PLA2G7: variants seen among roughly 807,000 people sequenced by gnomAD.
PLA2G7 encodes the protein platelet-activating factor acetylhydrolase.
PLA2G7 carries 63 observed loss-of-function variants against 49.6 expected under a neutral mutation model. That is an observed-to-expected ratio of 1.27 (90% CI 1.04 to 1.57). The LOEUF (loss-of-function observed/expected upper bound fraction) is 1.57. Ranked by LOEUF, PLA2G7 falls within the 40% of genes most tolerant of loss-of-function variation. PLA2G7 has a pLI of 0.00. For synonymous variants in PLA2G7, 193 were observed against 169.9 expected, an observed-to-expected ratio of 1.14 and a Z score of -1.06; for missense variants, 596 against 521.2, an observed-to-expected ratio of 1.14 and a Z score of -1.40.
intron 4 of PLA2G7, among the ~76,000 whole-genome samples, chr6:46,715,829 T>C (rs1236969071): frequency 1.3e-5 from 2 of 152,164 alleles, no homozygotes; most frequent in Non-Finnish European, 2.9e-5. Context: ...TAGTGTCTAG[T>C]CAAACAGATA....
At chr6:46,734,288 A>G (rs1479308362) in intron 1 of PLA2G7, among the ~76,000 whole-genome samples, 1 of 151,944 alleles carries the variant, frequency 6.6e-6, no homozygotes, top group African/African-American at 2.4e-5. Flanking sequence ...CTGGGCTCCA[A>G]AAACGCAATA....
Position 46,705,158 on chromosome 6 carries a change from T to C in PLA2G7, c.1184A>G (p.His395Arg), listed in dbSNP as rs781609335. The C allele has an allele frequency of 1.2e-6, 2 of 1,606,238 alleles. No homozygotes were observed. The highest frequency in any genetic ancestry group is 1.7e-5 in the Admixed American group (1 of 59,924). ...NKASLAFLQK[H>R]LGLHKDFDQW... ...TGAAAAAAATAGTTTCTTACCTAAATGCTTTTGTAAGAATGCTAATGAAGC... is the reference window on the plus strand; with the variant it reads ...TGAAAAAAATAGTTTCTTACCTAAACGCTTTTGTAAGAATGCTAATGAAGC... The change falls in exon 11 of 12, where the codon CAT becomes CGT. Residue 395 changes from histidine (H) to arginine (R), a missense_variant. Physicochemically the swap from His to Arg is conservative, Grantham distance 29 (BLOSUM62 0). Coordinates refer to ENST00000274793, the MANE Select transcript of PLA2G7 (RefSeq NM_005084.4).
At chr6:46,729,964 T>A (rs1373478175) in intron 1 of PLA2G7, among the ~76,000 whole-genome samples, 1 of 152,150 alleles carries the variant, frequency 6.6e-6, no homozygotes, top group Non-Finnish European at 1.5e-5. Flanking sequence ...AAAAACACAA[T>A]GGATAGGCCA....
chr6:46,717,725 T>C (rs1765265905), intron 2 of PLA2G7, among the ~76,000 whole-genome samples: 1 of 144,752 alleles, frequency 6.9e-6, no homozygotes. Flanking sequence ...CTTTTTTTTT[T>C]TTTTTGAGAC....
chr6:46,709,324 T>A lies in PLA2G7; in HGVS notation c.869+3A>T. ...CTCTTGCTTTACTATCTTATTTTCTTACCTGAATCTCTGATCTTCACTAAG... is the reference window on the plus strand; with the variant it reads ...CTCTTGCTTTACTATCTTATTTTCTAACCTGAATCTCTGATCTTCACTAAG... On this transcript the variant is annotated splice_donor_region_variant and intron_variant, in intron 9 of 11. Coordinates refer to ENST00000274793, the MANE Select transcript of PLA2G7 (RefSeq NM_005084.4). 6.6e-7 allele frequency: 1 copy of A among 1,507,398 alleles called. No homozygotes were observed. The highest frequency in any genetic ancestry group is 1.1e-5 in the South Asian group (1 of 88,898). The allele number at this position is 1,507,398 out of a possible 1,614,324, so 93.4% of individuals were successfully genotyped here.
intron 2 of PLA2G7, among the ~76,000 whole-genome samples, chr6:46,720,508 G>A (rs1200477585): frequency 6.6e-6 from 1 of 152,192 alleles, no homozygotes; most frequent in Non-Finnish European, 1.5e-5. Context: ...GGGGTCCTAT[G>A]CACCAGTGCC....
Position 46,705,245 on chromosome 6 carries a change from C to T in PLA2G7, c.1097G>A (p.Gly366Glu). ...DFTFATGKII[G>E]HMLKLKGDID... The stretch of plus-strand genomic sequence containing the variant: ...GTCTCCCTTTAATTTGAGCATGTGT[C>T]CAATTATTTTGCCAGTTGCAAAAGT... The change falls in exon 11 of 12, where the codon GGA becomes GAA. Residue 366 changes from glycine (G) to glutamate (E), a missense_variant. Transcript: ENST00000274793. 1 of 1,610,868 alleles carries T rather than the reference C, an allele frequency of 6.2e-7. No individual in the cohort carries two copies. Among genetic ancestry groups the T allele is most frequent in the Non-Finnish European group, 8.5e-7 (1 of 1,177,260 alleles).
At chr6:46,723,402 T>C (rs1468755633) in intron 1 of PLA2G7, among the ~76,000 whole-genome samples, 1 of 152,204 alleles carries the variant, frequency 6.6e-6, no homozygotes, top group Non-Finnish European at 1.5e-5. Context: ...GATGTTATAT[T>C]CTTGCTAATT....
chr6:46,717,089 G>T lies in PLA2G7; in HGVS notation c.117C>A (p.Val39=). ...PVAHMKSSAW[V]NKIQVLMAAA... ...CAGCCATCAGTACTTGTATTTTGTT[G>T]ACCCATGCTGAAAAACAGGTAAATA... The change falls in exon 3 of 12, where the codon GTC becomes GTA. Residue 39 remains valine (V), a synonymous_variant. Coordinates refer to ENST00000274793, the MANE Select transcript of PLA2G7 (RefSeq NM_005084.4). 6.2e-7 allele frequency: 1 copy of T among 1,613,256 alleles called. No homozygotes were observed. Among genetic ancestry groups the T allele is most frequent in the Non-Finnish European group, 8.5e-7 (1 of 1,179,244 alleles).
chr6:46,712,325 A>G lies in PLA2G7; in HGVS notation c.483T>C (p.Ser161=). The change falls in exon 6 of 12, where the codon TCT becomes TCC. Residue 161 remains serine, a synonymous_variant. Coordinates refer to ENST00000274793, the MANE Select transcript of PLA2G7 (RefSeq NM_005084.4). ...GAGATGCCAGGTCAATGCCAATAGCAGAATAAAGTGTCCTTCAAAACAAAA... is the reference window on the plus strand; with the variant it reads ...GAGATGCCAGGTCAATGCCAATAGCGGAATAAAGTGTCCTTCAAAACAAAA... The part of the protein sequence containing the change: ...HGLGAFRTLY[S]AIGIDLASHG... 6.2e-7 allele frequency: 1 copy of G among 1,611,398 alleles called. No individual in the cohort carries two copies. The highest frequency in any genetic ancestry group is 8.5e-7 in the Non-Finnish European group (1 of 1,177,672).
At chr6:46,707,503 A>C (rs956937314) in intron 10 of PLA2G7, among the ~76,000 whole-genome samples, 3 of 152,168 alleles carry the variant, frequency 2.0e-5, no homozygotes, top group Non-Finnish European at 4.4e-5. Context: ...TGGTGCTGTC[A>C]TTGTGACAGT....
chr6:46,724,628 G>A (rs45609442), intron 1 of PLA2G7, among the ~76,000 whole-genome samples: 2 of 152,290 alleles, frequency 1.3e-5, no homozygotes, highest in African/African-American at 2.4e-5. Context: ...AACAGAAGTC[G>A]TCTGCAACAG....
chr6:46,727,726 T>G (rs1765615331), intron 1 of PLA2G7, among the ~76,000 whole-genome samples: 2 of 152,208 alleles, frequency 1.3e-5, no homozygotes, highest in Admixed American at 1.3e-4. Context: ...AGAAGAGATC[T>G]GAATGATGTG....
At chr6:46,708,427 T>G (rs1325788942) in intron 9 of PLA2G7, among the ~76,000 whole-genome samples, 1 of 152,230 alleles carries the variant, frequency 6.6e-6, no homozygotes, top group African/African-American at 2.4e-5. Flanking sequence ...CTTAAAACTT[T>G]TTATTCAAAA....
intron 1 of PLA2G7, among the ~76,000 whole-genome samples, chr6:46,725,558 C>T (rs1443715368): frequency 6.6e-6 from 1 of 151,836 alleles, no homozygotes; most frequent in Admixed American, 6.6e-5. Context: ...TGCAGAGGGA[C>T]TGTATTTCCT....
chr6:46,714,718 C>A (rs568951155), intron 4 of PLA2G7, among the ~76,000 whole-genome samples, 165 bp from the exon 5 acceptor site: 61 of 146,446 alleles, frequency 4.2e-4, no homozygotes, highest in Non-Finnish European at 6.3e-4. Flanking sequence ...ACCCACCAAC[C>A]AAAGAGCTGA....
intron 3 of PLA2G7, 69 bp downstream of exon 3, chr6:46,716,906 C>A (rs1765221189): frequency 6.7e-7 from 1 of 1,502,232 alleles, no homozygotes; most frequent in Non-Finnish European, 9.3e-7. Context: ...CATTTGAACA[C>A]CTTCTAGTGG....
At chr6:46,713,272 T>C (rs1448695056) in intron 5 of PLA2G7, among the ~76,000 whole-genome samples, 2 of 152,136 alleles carry the variant, frequency 1.3e-5, no homozygotes, top group African/African-American at 4.8e-5. Context: ...TATTTATTGC[T>C]GAAGATACAG....
intron 2 of PLA2G7, among the ~76,000 whole-genome samples, chr6:46,719,402 G>A (rs894147710): frequency 2.6e-5 from 4 of 152,182 alleles, no homozygotes. Flanking sequence ...GCTGGAGCTT[G>A]GAAATGCAGG....
Sources: allele counts gnomAD v4.1 joint callset (sites outside exome capture counted in the v4.1 genomes callset), GRCh38; gene constraint gnomAD v4.1.1; transcripts MANE v1.5; gene names NCBI Gene and HGNC (gene_info 2026-07-23, HGNC 2026-07-21).